PEAK1: variants seen among roughly 807,000 people sequenced by gnomAD.
The protein encoded by PEAK1 is inactive tyrosine-protein kinase PEAK1.
Under a neutral mutation model 124.7 loss-of-function variants are expected in PEAK1, and 54 were observed. That is an observed-to-expected ratio of 0.43 (90% confidence interval 0.35 to 0.54). The LOEUF (loss-of-function observed/expected upper bound fraction) is 0.54, where lower values mean the gene tolerates loss of function less well. PEAK1 is among the 20% of genes least tolerant of loss of function. The probability of loss-of-function intolerance (pLI) is 0.01; values close to 1 mark genes in which losing one functional copy is unlikely to be tolerated. For synonymous variants in PEAK1, 719 were observed against 760.0 expected (o/e 0.95, Z 0.89); for missense variants, 2,046 against 2,134.5 (o/e 0.96, Z 0.82).
Position 77,364,630 on chromosome 15 carries a change from C to T in PEAK1, c.-603+533G>A, listed in dbSNP as rs117480312. Among the ~76,000 whole-genome samples, 913 of 152,250 alleles carry T rather than the reference C, an allele frequency of 6.0e-3. 4 individuals carry two copies. The highest frequency in any genetic ancestry group is 9.3e-3 in the East Asian group (48 of 5,186). ...GAAACGGGAAAAGGCTATGATCCTA[C>T]CTTTAGAGTGGAATGCTATCTATAG... On this transcript the variant is annotated intron_variant, in intron 2 of 9. Coordinates refer to ENST00000682557, the MANE Select transcript of PEAK1 (RefSeq NM_001385026.1).
At chr15:77,102,451 G>C (rs1735483215) in exon 7 of PEAK1, 1 of 152,136 alleles carries the variant, frequency 6.6e-6, no homozygotes, top group Non-Finnish European at 1.5e-5. Flanking sequence ...CCGTCTCTTA[G>C]CTTACAAAGT....
rs1415174938 is a variant in PEAK1 at position 77,181,628 on chromosome 15, A to C, written c.299T>G (p.Val100Gly). ...SIQEHCENKP[V>G]IIGWNRNRAA... The stretch of plus-strand genomic sequence containing the variant: ...TCTGTTTCGGTTCCACCCTATGATG[A>C]CAGGTTTGTTCTCACAGTGTTCTTG... Residue 100 changes from valine to glycine, a missense_variant, in exon 7 of 10, where the codon GTC becomes GGC. Coordinates refer to ENST00000682557, the MANE Select transcript of PEAK1 (RefSeq NM_001385026.1). The C allele has an allele frequency of 6.2e-7, 1 of 1,614,088 alleles. No individual in the cohort carries two copies. Among genetic ancestry groups the C allele is most frequent in the Non-Finnish European group, 8.5e-7 (1 of 1,180,008 alleles).
chr15:77,404,993 A>C (rs895052017), intron 1 of PEAK1, among the ~76,000 whole-genome samples: 1 of 151,866 alleles, frequency 6.6e-6, no homozygotes, highest in Non-Finnish European at 1.5e-5. Flanking sequence ...TATGTAGTAT[A>C]AGGTCAATTA....
chr15:77,105,087 G>A (rs2050733585), downstream of PEAK1: 1 of 152,230 alleles, frequency 6.6e-6, no homozygotes, highest in Non-Finnish European at 1.5e-5. Context: ...CATAGGCTTG[G>A]AGTTTTTTGC....
chr15:77,208,506 A>C (rs757539221), intron 6 of PEAK1, among the ~76,000 whole-genome samples: 1 of 152,168 alleles, frequency 6.6e-6, no homozygotes, highest in South Asian at 2.1e-4. Flanking sequence ...CACAGAACTT[A>C]TATCAGTGAG....
chr15:77,352,240 G>T (rs1386920802), intron 2 of PEAK1: 3 of 985,250 alleles, frequency 3.0e-6, no homozygotes, highest in Non-Finnish European at 3.6e-6. Flanking sequence ...ACTATCCTTA[G>T]ATCAAGGCAG....
chr15:77,265,061 G>T (rs1259093615), intron 5 of PEAK1, among the ~76,000 whole-genome samples: 3 of 152,142 alleles, frequency 2.0e-5, no homozygotes, highest in Non-Finnish European at 2.9e-5. Context: ...TATGTAGAAA[G>T]CTGAAACTGG....
chr15:77,150,143 G>A (rs2054477954), intron 8 of PEAK1, among the ~76,000 whole-genome samples: 1 of 152,158 alleles, frequency 6.6e-6, no homozygotes, highest in South Asian at 2.1e-4. Context: ...TGAATGCAAA[G>A]TGATGATGTT....
At chr15:77,183,514 TACTA>T (rs1268605070) in intron 6 of PEAK1, among the ~76,000 whole-genome samples, 1 of 152,168 alleles carries the variant, frequency 6.6e-6, no homozygotes, top group Non-Finnish European at 1.5e-5. Flanking sequence ...TGAGAGGAAG[TACTA>T]ACTTTGAACC....
At chr15:77,269,843 T>C (rs1465702460) in intron 5 of PEAK1, among the ~76,000 whole-genome samples, 1 of 152,204 alleles carries the variant, frequency 6.6e-6, no homozygotes, top group African/African-American at 2.4e-5. Flanking sequence ...CTGCTTTAAA[T>C]GTGTCCCAGA....
At chr15:77,358,588 T>C (rs555176411) in intron 2 of PEAK1, among the ~76,000 whole-genome samples, 1 of 152,210 alleles carries the variant, frequency 6.6e-6, no homozygotes, top group Non-Finnish European at 1.5e-5. Flanking sequence ...CTCCCGGCTC[T>C]CCACTGAGCA....
chr15:77,116,706 ATCTATCTATCTATCTATCT>A (rs2051412066), intron 9 of PEAK1, among the ~76,000 whole-genome samples: 1 of 14,322 alleles, frequency 7.0e-5, no homozygotes, highest in Non-Finnish European at 1.5e-4. Flanking sequence ...CAATCAATCT[ATCTATCTATCTATCTATCT>A]ATCTATCTAT....
At chr15:77,207,165 G>A (rs2058699319) in intron 6 of PEAK1, among the ~76,000 whole-genome samples, 1 of 152,094 alleles carries the variant, frequency 6.6e-6, no homozygotes, top group Non-Finnish European at 1.5e-5. Context: ...AAAAACCCTA[G>A]AAGAAAACCC....
chr15:77,352,704 G>T, intron 2 of PEAK1: 1 of 953,462 alleles, frequency 1.0e-6, no homozygotes, highest in Non-Finnish European at 1.2e-6. Context: ...AAAATTTAAT[G>T]TTTCAAGAAG....
intron 6 of PEAK1, among the ~76,000 whole-genome samples, chr15:77,213,205 T>C (rs1409383472): frequency 6.6e-6 from 1 of 152,074 alleles, no homozygotes; most frequent in East Asian, 1.9e-4. Context: ...AATTAGGCTT[T>C]GGGAGAATCA....
chr15:77,359,254 AT>A (rs1338084995), intron 2 of PEAK1, among the ~76,000 whole-genome samples: 1 of 152,054 alleles, frequency 6.6e-6, no homozygotes, highest in Non-Finnish European at 1.5e-5. Flanking sequence ...CCTGAGCAAC[AT>A]GGCGAAACCC....
intron 7 of PEAK1, among the ~76,000 whole-genome samples, chr15:77,168,237 GCACACACACA>G (rs113937076): frequency 1.4e-5 from 2 of 147,178 alleles, no homozygotes; most frequent in Non-Finnish European, 3.0e-5. Flanking sequence ...ATGTGCGCGC[GCACACACACA>G]CACACACACA....
chr15:77,399,225 T>C (rs1465638734), intron 1 of PEAK1, among the ~76,000 whole-genome samples: 2 of 152,122 alleles, frequency 1.3e-5, no homozygotes, highest in African/African-American at 4.8e-5. Context: ...GAAGAATCAA[T>C]ATTGTTAAAA....
chr15:77,379,726 G>A (rs78982186), intron 1 of PEAK1, among the ~76,000 whole-genome samples: 1 of 152,034 alleles, frequency 6.6e-6, no homozygotes, highest in African/African-American at 2.4e-5. Flanking sequence ...GATCTAATTA[G>A]CTTTAGAAAA....
Sources: gnomAD v4.1 joint callset for allele counts (sites outside exome capture counted in the v4.1 genomes callset) on GRCh38, gnomAD v4.1.1 for gene constraint, MANE v1.5 for transcripts, NCBI Gene and HGNC (gene_info 2026-07-23, HGNC 2026-07-21) for gene names.